PAPSS1: variants seen among roughly 807,000 people sequenced by gnomAD.
PAPSS1 encodes bifunctional 3'-phosphoadenosine 5'-phosphosulfate synthase 1.
PAPSS1 carries 50 observed loss-of-function variants against 72.0 expected under a neutral mutation model. The ratio of observed to expected loss-of-function variants is 0.69; its 90% CI spans 0.55 to 0.88. The LOEUF is 0.88. Ranked by LOEUF, PAPSS1 falls within the 40% of genes least tolerant of loss-of-function variation. The probability of loss-of-function intolerance (pLI) is 0.00; values close to 1 mark genes in which losing one functional copy is unlikely to be tolerated. For synonymous variants in PAPSS1, 261 were observed against 263.6 expected, an observed-to-expected ratio of 0.99 and a Z score of 0.09; for missense variants, 657 against 782.2, an observed-to-expected ratio of 0.84 and a Z score of 1.91.
chr4:107,669,169 G>A (rs761107970), intron 5 of PAPSS1, among the ~76,000 whole-genome samples: 4 of 152,178 alleles, frequency 2.6e-5, no homozygotes, highest in Non-Finnish European at 5.9e-5. Flanking sequence ...GAGGGAGTTT[G>A]ATATGAAAAG....
At chr4:107,634,190 A>AT (rs1428986912) in intron 10 of PAPSS1, among the ~76,000 whole-genome samples, 1 of 151,684 alleles carries the variant, frequency 6.6e-6, no homozygotes, top group Non-Finnish European at 1.5e-5. Flanking sequence ...GCTATTTTTT[A>AT]TTTTTTGTAG....
At chr4:107,683,637 G>A (rs1342101259) in intron 4 of PAPSS1, among the ~76,000 whole-genome samples, 1 of 152,104 alleles carries the variant, frequency 6.6e-6, no homozygotes, top group Non-Finnish European at 1.5e-5. Flanking sequence ...AATAATAAAT[G>A]TAAATTGTGA....
chr4:107,690,254 T>C (rs1018302555), intron 3 of PAPSS1, among the ~76,000 whole-genome samples: 4 of 152,170 alleles, frequency 2.6e-5, no homozygotes, highest in Non-Finnish European at 4.4e-5. Context: ...CCTCTGCAAA[T>C]TGATCAGCTC....
intron 1 of PAPSS1, among the ~76,000 whole-genome samples, chr4:107,712,871 C>A (rs1210838539): frequency 3.1e-5 from 2 of 64,488 alleles, no homozygotes; most frequent in Non-Finnish European, 4.0e-5. Context: ...GACTCCGTCT[C>A]GGGAAAGAAA....
At chr4:107,636,631 T>C (rs1320811343) in intron 10 of PAPSS1, among the ~76,000 whole-genome samples, 1 of 152,124 alleles carries the variant, frequency 6.6e-6, no homozygotes, top group African/African-American at 2.4e-5. Flanking sequence ...GAATCCCTAG[T>C]GTACACCTGA....
chr4:107,714,221 T>C (rs1003134710), intron 1 of PAPSS1, among the ~76,000 whole-genome samples: 2 of 152,210 alleles, frequency 1.3e-5, no homozygotes, highest in Admixed American at 1.3e-4. Context: ...GAATACTCCC[T>C]AATTCTTAAT....
At chr4:107,629,966 G>A (rs1448519329) in intron 11 of PAPSS1, among the ~76,000 whole-genome samples, 1 of 152,092 alleles carries the variant, frequency 6.6e-6, no homozygotes, top group East Asian at 1.9e-4. Flanking sequence ...ACATTATTAG[G>A]CATCCACCTC....
intron 4 of PAPSS1, among the ~76,000 whole-genome samples, chr4:107,685,687 G>A (rs138431661): frequency 2.1e-3 from 317 of 152,318 alleles, no homozygotes; most frequent in African/African-American, 7.3e-3. Context: ...CATTACCGGA[G>A]GTCAGCCTTG....
chr4:107,622,379 G>A (rs17037918), intron 11 of PAPSS1, among the ~76,000 whole-genome samples: 4,551 of 152,062 alleles, frequency 0.03, 222 homozygotes, highest in African/African-American at 0.1. Flanking sequence ...GGTATTGCTG[G>A]GTTTTATACC....
At position 107,720,033 on chromosome 4, in the gene PAPSS1, G is replaced by A. The variant is rs2125946856; in HGVS notation, c.60+87C>T. On this transcript the variant is annotated intron_variant, in intron 1 of 11. Coordinates refer to ENST00000265174, the MANE Select transcript of PAPSS1 (RefSeq NM_005443.5). ...GCGCTCCTGGAAGGATGGATGCGGAGGAGGCGGGAGAGAGGCGGCGGCTCC... is the reference window on the plus strand; with the variant it reads ...GCGCTCCTGGAAGGATGGATGCGGAAGAGGCGGGAGAGAGGCGGCGGCTCC... 6 of 1,566,870 alleles carry A rather than the reference G, an allele frequency of 3.8e-6. No individual in the cohort carries two copies. In the South Asian group the frequency reaches 4.6e-5, roughly 12 times the overall value.
intron 4 of PAPSS1, among the ~76,000 whole-genome samples, chr4:107,683,807 T>C (rs1722698061): frequency 6.6e-6 from 1 of 152,158 alleles, no homozygotes; most frequent in African/African-American, 2.4e-5. Context: ...TACACAATCT[T>C]GTCTGTGCTG....
At chr4:107,646,318 CACACACACAT>C (rs1461289434) in intron 9 of PAPSS1, among the ~76,000 whole-genome samples, 4 of 149,636 alleles carry the variant, frequency 2.7e-5, no homozygotes, top group Non-Finnish European at 4.4e-5. Flanking sequence ...TATACACACA[CACACACACAT>C]ACACACACAT....
chr4:107,698,658 TA>T (rs1723133008), intron 2 of PAPSS1, among the ~76,000 whole-genome samples: 1 of 152,164 alleles, frequency 6.6e-6, no homozygotes, highest in Admixed American at 6.5e-5. Context: ...CAGAAAAACC[TA>T]AACTGTAATT....
rs920362886 is a variant in PAPSS1, at chr4:107,662,608, A to G, written c.670-2536T>C. Among the ~76,000 whole-genome samples the G allele has an allele frequency of 8.5e-5, 13 of 152,286 alleles. No homozygotes were observed. The South Asian group carries it at 1.9e-3, about 22-fold the overall frequency. On this transcript the variant is annotated intron_variant, in intron 5 of 11. Transcript: ENST00000265174. ...AGGGGAAACCACATATAGAAAAAAA[A>G]AAAAGGACTCTTCCTTAAATCTAGC...
intron 5 of PAPSS1, among the ~76,000 whole-genome samples, chr4:107,677,487 T>C (rs1727685109): frequency 6.6e-6 from 1 of 152,244 alleles, no homozygotes; most frequent in East Asian, 1.9e-4. Flanking sequence ...CACAATGAGA[T>C]ACCATCTCAC....
At chr4:107,687,322 C>T in intron 3 of PAPSS1, 145 bp from the exon 4 acceptor site, 1 of 599,158 alleles carries the variant, frequency 1.7e-6, no homozygotes, top group Non-Finnish European at 2.7e-6. Flanking sequence ...AAAAAAAAAT[C>T]CAAGAAATTA....
Position 107,717,504 on chromosome 4 carries a change from T to C in PAPSS1, c.60+2616A>G, listed in dbSNP as rs1267607867. On this transcript the variant is annotated intron_variant, in intron 1 of 11. Transcript: ENST00000265174. ...TTTTATAGATAAGCACATAGAGGCA[T>C]AGAGAAATTAAGTGACCAACCAAAA... 3.3e-5 allele frequency among the ~76,000 whole-genome samples: 5 copies of C among 152,292 alleles called. No individual in the cohort carries two copies. In the South Asian group the frequency reaches 6.2e-4, roughly 19 times the overall value.
At chr4:107,683,069 A>T (rs536486594) in intron 4 of PAPSS1, among the ~76,000 whole-genome samples, 1 of 152,296 alleles carries the variant, frequency 6.6e-6, no homozygotes, top group East Asian at 1.9e-4. Context: ...CGCTATTCCT[A>T]TCTTATACCC....
chr4:107,654,359 G>A (rs1305490785), intron 8 of PAPSS1, among the ~76,000 whole-genome samples: 7 of 152,036 alleles, frequency 4.6e-5, no homozygotes, highest in African/African-American at 1.4e-4. Context: ...TACCTCACAC[G>A]CTCATTATAA....
Sources: allele counts gnomAD v4.1 joint callset (sites outside exome capture counted in the v4.1 genomes callset), GRCh38; gene constraint gnomAD v4.1.1; transcripts MANE v1.5; gene names NCBI Gene and HGNC (gene_info 2026-07-23, HGNC 2026-07-21).